Variants in UBAP2L observed in about 807,000 individuals in gnomAD.
The protein encoded by UBAP2L is ubiquitin-associated protein 2-like.
In UBAP2L, 12 loss-of-function variants were observed where a neutral mutation model predicts 130.6. The observed-to-expected ratio is 0.09, with a 90% confidence interval of 0.06 to 0.15. UBAP2L has a LOEUF of 0.15. Among genes scored for constraint, UBAP2L ranks in the 10% least tolerant of loss-of-function variants. The pLI, the probability that UBAP2L is intolerant of heterozygous loss-of-function variation, is 1.00. For missense variants in UBAP2L, 965 were observed against 1,332.5 expected, an observed-to-expected ratio of 0.72 and a Z score of 4.29; for synonymous variants, 503 against 524.7, an observed-to-expected ratio of 0.96 and a Z score of 0.57.
At chr1:154,266,462 A>G in intron 24 of UBAP2L, 39 bp from the exon 25 acceptor site, 1 of 1,600,276 alleles carries the variant, frequency 6.2e-7, no homozygotes, top group Middle Eastern at 1.7e-4. Context: ...CCAGGTAGCT[A>G]GCTGAGCTAA....
Position 154,250,811 on chromosome 1 carries a change from C to T in UBAP2L, c.1214-230C>T, listed in dbSNP as rs115830929. Among the ~76,000 whole-genome samples the T allele has an allele frequency of 7.9e-3, 1,107 of 140,168 alleles. 11 individuals carry two copies. Among genetic ancestry groups the T allele is most frequent in the African/African-American group, 0.029 (1,062 of 36,846 alleles). The allele number at this position is 140,168 out of a possible 152,430, so 92.0% of individuals were successfully genotyped here. A position where few individuals can be genotyped will look rare whatever the true frequency, so the allele number is the denominator to read the frequency against. ...GAAGTGGGCTGAGATTGCACCATTGCATTCCAGCCTGGGTGACAGAGCAAG... is the reference window on the plus strand; with the variant it reads ...GAAGTGGGCTGAGATTGCACCATTGTATTCCAGCCTGGGTGACAGAGCAAG... On this transcript the variant is annotated intron_variant, in intron 12 of 26. Transcript: ENST00000428931.
At chr1:154,266,166 A>C (rs1402415946) in intron 24 of UBAP2L, among the ~76,000 whole-genome samples, 1 of 152,192 alleles carries the variant, frequency 6.6e-6, no homozygotes, top group Non-Finnish European at 1.5e-5. Context: ...ATTAAAATTA[A>C]AAGTTTATTA....
chr1:154,236,518 C>T, intron 6 of UBAP2L, 48 bp from the exon 7 acceptor site: 2 of 1,602,852 alleles, frequency 1.2e-6, no homozygotes, highest in Non-Finnish European at 1.7e-6. Context: ...AGTTTTATAT[C>T]AACTTCTAAA....
upstream of UBAP2L, chr1:154,220,382 G>C (rs1558093593): frequency 6.2e-7 from 1 of 1,614,218 alleles, no homozygotes; most frequent in South Asian, 1.1e-5. Flanking sequence ...ATTCACCCCG[G>C]AGAGCCAGTT....
intron 1 of UBAP2L, among the ~76,000 whole-genome samples, chr1:154,223,923 T>G (rs1376166925): frequency 6.6e-6 from 1 of 152,120 alleles, no homozygotes; most frequent in Non-Finnish European, 1.5e-5. Flanking sequence ...ACAAGAAAAA[T>G]TAAATATAGA....
Position 154,249,261 on chromosome 1 carries a change from T to A in UBAP2L, c.1037T>A (p.Phe346Tyr), listed in dbSNP as rs774935854. Residue 346 changes from phenylalanine to tyrosine, a missense_variant, in exon 12 of 27, where the codon TTT becomes TAT. This residue lies in a region of UBAP2L where 99 missense variants were observed against 106.4 expected (regional missense o/e 0.93). Coordinates refer to ENST00000428931, the MANE Select transcript of UBAP2L (RefSeq NM_014847.4). Reference protein sequence around the residue: ...HSMVSMLGKGFGDVGEAKGGS... With the variant: ...HSMVSMLGKGYGDVGEAKGGS... ...CAGGTGAGCATGTTAGGGAAAGGAT[T>A]TGGTGATGTCGGTGAAGCTAAAGGC... The A allele has an allele frequency of 2.5e-6, 4 of 1,614,064 alleles. No homozygotes were observed. Among genetic ancestry groups the A allele is most frequent in the East Asian group, 4.5e-5 (2 of 44,862 alleles).
chr1:154,243,402 A>G (rs775668721), intron 10 of UBAP2L, 100 bp downstream of exon 10: 28 of 962,668 alleles, frequency 2.9e-5, no homozygotes, highest in African/African-American at 4.9e-5. Flanking sequence ...CATGGTGTCA[A>G]TAATAATAAC....
chr1:154,239,004 G>A (rs1290303142), intron 8 of UBAP2L, among the ~76,000 whole-genome samples: 1 of 151,778 alleles, frequency 6.6e-6, no homozygotes, highest in African/African-American at 2.4e-5. Flanking sequence ...GCCTCCCAAA[G>A]TGCTGGGATT....
chr1:154,270,691 C>T lies in UBAP2L; in HGVS notation c.*396C>T. ...TCCTTCTTTATTATTAGGAAAACAA[C>T]AACAACAACAAACAAAAAAATGGCG... On this transcript the variant is annotated 3_prime_UTR_variant, in exon 27 of 27. Coordinates refer to ENST00000428931, the MANE Select transcript of UBAP2L (RefSeq NM_014847.4). 1 of 1,404,712 alleles carries T rather than the reference C, an allele frequency of 7.1e-7. No individual in the cohort carries two copies. Among genetic ancestry groups the T allele is most frequent in the Non-Finnish European group, 9.2e-7 (1 of 1,086,094 alleles). The allele number at this position is 1,404,712 out of a possible 1,614,324, so 87.0% of individuals were successfully genotyped here. A position where few individuals can be genotyped will look rare whatever the true frequency, so the allele number is the denominator to read the frequency against.
At chr1:154,247,547 C>A (rs955299950) in intron 11 of UBAP2L, among the ~76,000 whole-genome samples, 2 of 152,106 alleles carry the variant, frequency 1.3e-5, no homozygotes, top group Non-Finnish European at 2.9e-5. Context: ...AAATTTACAA[C>A]GAAATCAGAC....
intron 25 of UBAP2L, 23 bp downstream of exon 25, chr1:154,266,591 A>G: frequency 6.2e-7 from 1 of 1,611,420 alleles, no homozygotes; most frequent in Non-Finnish European, 8.5e-7. Context: ...CTCTGGATAA[A>G]AGTGGAAAAG....
At chr1:154,236,897 C>G in intron 7 of UBAP2L, 127 bp from the exon 8 acceptor site, 1 of 737,326 alleles carries the variant, frequency 1.4e-6, no homozygotes, top group Non-Finnish European at 2.2e-6. Flanking sequence ...AGATGACACA[C>G]AGGATTATAG....
At chr1:154,249,159 C>A in intron 11 of UBAP2L, 80 bp from the exon 12 acceptor site, 1 of 1,388,936 alleles carries the variant, frequency 7.2e-7, no homozygotes, top group Non-Finnish European at 1.0e-6. Context: ...TACTGGCTCT[C>A]GGTCTGGATA....
Position 154,270,600 on chromosome 1 carries a change from G to A in UBAP2L, c.*305G>A, listed in dbSNP as rs1008324504. The A allele has an allele frequency of 2.8e-5, 39 of 1,416,272 alleles. No individual in the cohort carries two copies. 87.7% of individuals were successfully genotyped at this position (1,416,272 alleles called of 1,614,324 possible). On this transcript the variant is annotated 3_prime_UTR_variant, in exon 27 of 27. Transcript: ENST00000428931. Reference sequence around the variant, plus strand: ...TCCTTTGCTTCCTCCTGTTCACCCTGGTGGTGTACGGATGAGGCGGGGAGG... The same window carrying A: ...TCCTTTGCTTCCTCCTGTTCACCCTAGTGGTGTACGGATGAGGCGGGGAGG...
At chr1:154,222,071 ACAC>A (rs1195749434) in intron 1 of UBAP2L, among the ~76,000 whole-genome samples, 2 of 152,150 alleles carry the variant, frequency 1.3e-5, no homozygotes, top group Non-Finnish European at 1.5e-5. Context: ...GGAAAGAAAA[ACAC>A]CACAGTAACA....
chr1:154,240,175 A>G (rs1449919514), intron 8 of UBAP2L, among the ~76,000 whole-genome samples: 2 of 152,154 alleles, frequency 1.3e-5, no homozygotes, highest in Non-Finnish European at 2.9e-5. Flanking sequence ...TTTAATATAT[A>G]TTATTCTAGC....
In UBAP2L at chr1:154,243,237, C is replaced by T; in HGVS notation, c.777C>T (p.Phe259=). ...TCCAGCTTTCTGAGACCAAGATCTT[C>T]ACTGCCTCTAATGTGTCTTCAGTGC... ...WNEDLSETKI[F]TASNVSSVPL... The change falls in exon 10 of 27, where the codon TTC becomes TTT. Residue 259 remains phenylalanine (F), a synonymous_variant. Transcript: ENST00000428931. The T allele has an allele frequency of 6.2e-7, 1 of 1,611,738 alleles. No homozygotes were observed. Among genetic ancestry groups the T allele is most frequent in the Non-Finnish European group, 8.5e-7 (1 of 1,178,192 alleles).
chr1:154,221,004 GGCGGCGGCGGCGGCAGCGGCAGC>G, intron 1 of UBAP2L, 29 bp downstream of exon 1: 1 of 194,508 alleles, frequency 5.1e-6, no homozygotes, highest in Non-Finnish European at 1.1e-5. Context: ...CGGCGTTGGC[GGCGGCGGCGGCGGCAGCGGCAGC>G]GCGGCGGGGC....
At chr1:154,221,143 G>A (rs1173826441) in intron 1 of UBAP2L, 168 bp downstream of exon 1, 2 of 124,074 alleles carry the variant, frequency 1.6e-5, no homozygotes, top group Non-Finnish European at 3.6e-5. Context: ...CCCCCACACC[G>A]TGTGTTCCCC....
Sources: allele counts gnomAD v4.1 joint callset (sites outside exome capture counted in the v4.1 genomes callset), GRCh38; gene constraint gnomAD v4.1.1; regional missense constraint gnomAD v4.1.1; transcripts MANE v1.5; gene names NCBI Gene and HGNC (gene_info 2026-07-23, HGNC 2026-07-21).